Variants in DNAJC3 observed in about 807,000 individuals in gnomAD.
The protein encoded by DNAJC3 is DnaJ heat shock protein family (Hsp40) member C3.
In DNAJC3, 38 loss-of-function variants were observed where a neutral mutation model predicts 68.6. That is an observed-to-expected ratio of 0.55 (90% CI 0.43 to 0.73). The LOEUF is 0.73. Among genes scored for constraint, DNAJC3 ranks in the 30% least tolerant of loss-of-function variants. DNAJC3 has a pLI of 0.00. For synonymous variants in DNAJC3, 203 were observed against 204.0 expected (o/e 1.00, Z 0.04); for missense variants, 526 against 591.9 (o/e 0.89, Z 1.16).
chr13:95,688,519 GTT>G lies in DNAJC3; in HGVS notation c.82+11195_82+11196del, dbSNP rs113150172. Among the ~76,000 whole-genome samples, 91 of 143,824 alleles carry G rather than the reference GTT, an allele frequency of 6.3e-4. 1 individual carries two copies. The Middle Eastern group carries it at 0.011, about 17-fold the overall frequency. The allele number at this position is 143,824 out of a possible 152,430, so 94.4% of individuals were successfully genotyped here. A position where few individuals can be genotyped will look rare whatever the true frequency, so the allele number is the denominator to read the frequency against. On this transcript the variant is annotated intron_variant, in intron 1 of 11. Coordinates refer to ENST00000602402, the MANE Select transcript of DNAJC3 (RefSeq NM_006260.5). ...GATTTCATAGACTGCTTTTTCTACA[GTT>G]TTTTTTTTTTTTGAGACAGAGTGTT...
At chr13:95,759,676 C>T (rs1882763743) in intron 5 of DNAJC3, among the ~76,000 whole-genome samples, 1 of 152,120 alleles carries the variant, frequency 6.6e-6, no homozygotes, top group Non-Finnish European at 1.5e-5. Context: ...AATCTGATAA[C>T]AGAATATTCT....
chr13:95,721,286 T>G (rs1439635373), intron 2 of DNAJC3, among the ~76,000 whole-genome samples: 2 of 152,200 alleles, frequency 1.3e-5, no homozygotes, highest in Admixed American at 6.5e-5. Flanking sequence ...GTATGGTATA[T>G]CCCACCTTTT....
intron 4 of DNAJC3, among the ~76,000 whole-genome samples, chr13:95,748,123 T>C (rs1882361697): frequency 6.6e-6 from 1 of 152,228 alleles, no homozygotes; most frequent in Admixed American, 6.5e-5. Context: ...ATTCATGCTT[T>C]GGGCTTACGT....
intron 3 of DNAJC3, among the ~76,000 whole-genome samples, chr13:95,723,981 A>T (rs1881426510): frequency 6.6e-6 from 1 of 151,922 alleles, no homozygotes; most frequent in South Asian, 2.1e-4. Context: ...ACAACCACTG[A>T]TCAATTAGAC....
At chr13:95,710,322 A>G (rs939067855) in intron 2 of DNAJC3, among the ~76,000 whole-genome samples, 1 of 148,888 alleles carries the variant, frequency 6.7e-6, no homozygotes. Context: ...ATTATGGCTT[A>G]CTGCAGCCTC....
At chr13:95,731,419 G>A (rs554327828) in intron 4 of DNAJC3, among the ~76,000 whole-genome samples, 1 of 152,248 alleles carries the variant, frequency 6.6e-6, no homozygotes, top group South Asian at 2.1e-4. Flanking sequence ...CATTCACTAT[G>A]ATGTTAACTG....
intron 1 of DNAJC3, among the ~76,000 whole-genome samples, chr13:95,703,836 T>G (rs558364449): frequency 6.6e-6 from 1 of 152,310 alleles, no homozygotes; most frequent in South Asian, 2.1e-4. Flanking sequence ...TGGCTTTTTT[T>G]TTTTTTAACC....
chr13:95,783,279 A>G (rs1456170520), intron 9 of DNAJC3, among the ~76,000 whole-genome samples: 2 of 152,224 alleles, frequency 1.3e-5, no homozygotes, highest in African/African-American at 2.4e-5. Context: ...ATAATTTTAC[A>G]TTTTTGTCTT....
rs566248625 is a variant in DNAJC3 at position 95,760,202 on chromosome 13, G to A, written c.709G>A (p.Asp237Asn). The change falls in exon 6 of 12, where the codon GAC (aspartate) becomes AAC (asparagine). Residue 237 changes from aspartate to asparagine, a missense_variant. Physicochemically the swap from Asp to Asn is conservative, Grantham distance 23. Coordinates refer to ENST00000602402, the MANE Select transcript of DNAJC3 (RefSeq NM_006260.5). ...KISTLYYQLGDHELSLSEVRE... is the reference protein window; with the variant it reads ...KISTLYYQLGNHELSLSEVRE... ...AAGCACACTGTACTACCAACTAGGA[G>A]ACCACGAACTGTCCCTCAGGTCAGT... 1.3e-6 allele frequency: 2 copies of A among 1,593,774 alleles called. No homozygotes were observed. The highest frequency in any genetic ancestry group is 1.2e-5 in the South Asian group (1 of 86,708).
chr13:95,721,763 C>T (rs1443520297), intron 2 of DNAJC3, among the ~76,000 whole-genome samples: 3 of 151,790 alleles, frequency 2.0e-5, no homozygotes, highest in South Asian at 2.1e-4. Context: ...TTTTCATGTG[C>T]TCTTTGGCCA....
At chr13:95,691,401 C>T (rs1438655847) in intron 1 of DNAJC3, among the ~76,000 whole-genome samples, 7 of 151,810 alleles carry the variant, frequency 4.6e-5, no homozygotes, top group Non-Finnish European at 7.4e-5. Context: ...CAGAGACGCT[C>T]CTCACATCCC....
intron 1 of DNAJC3, among the ~76,000 whole-genome samples, chr13:95,682,566 C>A (rs1879948000): frequency 1.3e-5 from 2 of 152,072 alleles, no homozygotes; most frequent in African/African-American, 4.8e-5. Context: ...GCTACTCTAC[C>A]TTTTTCCCTG....
chr13:95,758,489 A>ATT (rs1419983106), intron 5 of DNAJC3, among the ~76,000 whole-genome samples: 9 of 151,564 alleles, frequency 5.9e-5, no homozygotes, highest in Non-Finnish European at 1.2e-4. Context: ...AAAAAAGAAA[A>ATT]TTAGCTGGGT....
intron 2 of DNAJC3, among the ~76,000 whole-genome samples, chr13:95,714,031 T>C (rs533940445): frequency 6.6e-6 from 1 of 152,368 alleles, no homozygotes; most frequent in South Asian, 2.1e-4. Context: ...TACGGAGAAC[T>C]TCTATCGTAT....
intron 11 of DNAJC3, among the ~76,000 whole-genome samples, 154 bp downstream of exon 11, chr13:95,787,309 C>T (rs1883631540): frequency 2.0e-5 from 3 of 152,136 alleles, no homozygotes; most frequent in African/African-American, 7.2e-5. Context: ...CCTCATTCAG[C>T]CCTCTTATGT....
intron 2 of DNAJC3, among the ~76,000 whole-genome samples, chr13:95,713,375 C>G (rs1881037443): frequency 6.6e-6 from 1 of 152,104 alleles, no homozygotes; most frequent in African/African-American, 2.4e-5. Flanking sequence ...GCAACAGAGT[C>G]TCTCTATATT....
intron 9 of DNAJC3, among the ~76,000 whole-genome samples, chr13:95,770,880 A>C (rs747569280): frequency 6.6e-6 from 1 of 152,222 alleles, no homozygotes; most frequent in African/African-American, 2.4e-5. Context: ...AAAACGTAGT[A>C]GTAGGAAATT....
chr13:95,696,570 A>T (rs1423722898), intron 1 of DNAJC3, among the ~76,000 whole-genome samples: 2 of 147,078 alleles, frequency 1.4e-5, no homozygotes, highest in African/African-American at 5.5e-5. Flanking sequence ...GCCTTTTTTA[A>T]AAAAAAATTT....
chr13:95,677,478 C>G (rs1394891089), intron 1 of DNAJC3, 141 bp downstream of exon 1: 9 of 810,832 alleles, frequency 1.1e-5, no homozygotes, highest in Non-Finnish European at 1.4e-5. Flanking sequence ...TGGCTTGGGC[C>G]TGAGCCCGCG....
Sources: gnomAD v4.1 joint callset for allele counts (sites outside exome capture counted in the v4.1 genomes callset) on GRCh38, gnomAD v4.1.1 for gene constraint, MANE v1.5 for transcripts, NCBI Gene and HGNC (gene_info 2026-07-23, HGNC 2026-07-21) for gene names.